USP12: variants seen among roughly 807,000 people sequenced by gnomAD.
The protein encoded by USP12 is ubiquitin specific peptidase 12.
Under a neutral mutation model 45.5 loss-of-function variants are expected in USP12, and 19 were observed. That is an observed-to-expected ratio of 0.42 (90% CI 0.29 to 0.61). USP12 has a LOEUF of 0.61. Ranked by LOEUF, USP12 falls within the 20% of genes least tolerant of loss-of-function variation. The pLI, the probability that USP12 is intolerant of heterozygous loss-of-function variation, is 0.22. For missense variants in USP12, 242 were observed against 447.7 expected (o/e 0.54, Z 4.15); for synonymous variants, 149 against 148.8 (o/e 1.00, Z -0.01).
In USP12 at chr13:27,086,196, A is replaced by AT. The variant is rs1294810212; in HGVS notation, c.734+3686_734+3687insA. Among the ~76,000 whole-genome samples the AT allele has an allele frequency of 1.4e-3, 129 of 95,362 alleles. 1 individual carries two copies. The highest frequency in any genetic ancestry group is 3.8e-3 in the African/African-American group (96 of 25,322). 62.6% of individuals were successfully genotyped at this position (95,362 alleles called of 152,430 possible). A position where few individuals can be genotyped will look rare whatever the true frequency, so the allele number is the denominator to read the frequency against. On this transcript the variant is annotated intron_variant, in intron 6 of 8. Transcript: ENST00000282344. ...CTTTAAAAAAAAAAAAAAAAAAAAA[A>AT]AATATATATATATATATATATATGC...
intron 1 of USP12, among the ~76,000 whole-genome samples, chr13:27,120,672 A>G (rs1275754623): frequency 6.6e-6 from 1 of 151,688 alleles, no homozygotes; most frequent in Non-Finnish European, 1.5e-5. Flanking sequence ...TATCAGAATT[A>G]ATTTATTTTT....
chr13:27,152,416 G>A (rs1274879750), intron 1 of USP12, among the ~76,000 whole-genome samples: 3 of 152,194 alleles, frequency 2.0e-5, no homozygotes, highest in Non-Finnish European at 4.4e-5. Context: ...AAAGTCCAAA[G>A]CAGATAATTA....
In USP12 at chr13:27,099,387, T is replaced by C. The variant is rs568981356; in HGVS notation, c.344-3557A>G. Among the ~76,000 whole-genome samples, 46 of 152,324 alleles carry C rather than the reference T, an allele frequency of 3.0e-4. 1 individual carries two copies. In the South Asian group the frequency reaches 8.9e-3, roughly 30 times the overall value. ...TTTTTAAGAGATGGGGGTCTCGCTA[T>C]GTTGTCCAGGCTGATCTTGAACTCC... is the stretch of plus-strand genomic sequence containing the variant. On this transcript the variant is annotated intron_variant, in intron 3 of 8. Coordinates refer to ENST00000282344, the MANE Select transcript of USP12 (RefSeq NM_182488.4).
chr13:27,073,547 C>T (rs1593169460), intron 7 of USP12, among the ~76,000 whole-genome samples: 1 of 152,004 alleles, frequency 6.6e-6, no homozygotes, highest in African/African-American at 2.4e-5. Context: ...GAGGGGACCC[C>T]TCCCCAATGA....
chr13:27,170,512 T>C (rs1422266857), intron 1 of USP12, among the ~76,000 whole-genome samples: 1 of 152,200 alleles, frequency 6.6e-6, no homozygotes, highest in Non-Finnish European at 1.5e-5. Flanking sequence ...GACTCATAAA[T>C]TATGATCCCT....
chr13:27,068,905 A>G lies in USP12; in HGVS notation c.*378T>C, dbSNP rs1170768132. 7.9e-6 allele frequency: 2 copies of G among 252,294 alleles called. No homozygotes were observed. Among genetic ancestry groups the G allele is most frequent in the Non-Finnish European group, 1.5e-5 (2 of 130,998 alleles). 15.6% of individuals were successfully genotyped at this position (252,294 alleles called of 1,614,324 possible). On this transcript the variant is annotated 3_prime_UTR_variant, in exon 9 of 9. Transcript: ENST00000282344. ...AAATTTATGCAGTGTGTTCAACATC[A>G]TCTCCTTATCAATACGGCACAGATT...
intron 1 of USP12, among the ~76,000 whole-genome samples, chr13:27,156,240 G>A (rs73159789): frequency 0.049 from 7,388 of 151,046 alleles, 219 homozygotes; most frequent in Non-Finnish European, 0.055. Context: ...AAAAAATCAA[G>A]GAATCTGGTT....
intron 6 of USP12, among the ~76,000 whole-genome samples, chr13:27,080,209 G>A (rs971545685): frequency 6.6e-6 from 1 of 152,212 alleles, no homozygotes; most frequent in African/African-American, 2.4e-5. Context: ...ACCCAACTCA[G>A]ATTCCAGAAG....
chr13:27,117,112 G>T (rs531339966), intron 1 of USP12, among the ~76,000 whole-genome samples: 1 of 152,262 alleles, frequency 6.6e-6, no homozygotes, highest in Admixed American at 6.5e-5. Context: ...AAGGAGAAAA[G>T]AAAGAATGAT....
At chr13:27,123,420 A>C (rs1341121091) in intron 1 of USP12, among the ~76,000 whole-genome samples, 1 of 152,232 alleles carries the variant, frequency 6.6e-6, no homozygotes, top group Non-Finnish European at 1.5e-5. Context: ...AAACATTAAC[A>C]AAGTCCTGAA....
At chr13:27,092,924 C>T (rs886917060) in intron 4 of USP12, among the ~76,000 whole-genome samples, 2 of 152,112 alleles carry the variant, frequency 1.3e-5, no homozygotes, top group African/African-American at 4.8e-5. Context: ...CAGCCAGGCC[C>T]GGTGGCTCAC....
At chr13:27,155,991 G>T (rs1877822088) in intron 1 of USP12, among the ~76,000 whole-genome samples, 1 of 152,040 alleles carries the variant, frequency 6.6e-6, no homozygotes, top group Non-Finnish European at 1.5e-5. Context: ...ACCTATAGAA[G>T]CAGTTAAAAC....
intron 1 of USP12, among the ~76,000 whole-genome samples, chr13:27,138,572 G>A (rs1005754661): frequency 1.2e-4 from 18 of 152,192 alleles, no homozygotes; most frequent in Non-Finnish European, 2.4e-4. Flanking sequence ...ACCTCCATGA[G>A]GCATTATCAA....
intron 1 of USP12, among the ~76,000 whole-genome samples, chr13:27,133,666 A>G (rs1876634089): frequency 1.3e-5 from 2 of 152,228 alleles, no homozygotes; most frequent in South Asian, 4.1e-4. Flanking sequence ...TAATGGGAGA[A>G]ATACCTGGAG....
chr13:27,167,923 A>G (rs1389427319), intron 1 of USP12, among the ~76,000 whole-genome samples: 1 of 152,184 alleles, frequency 6.6e-6, no homozygotes, highest in Non-Finnish European at 1.5e-5. Flanking sequence ...AGCAGTAAGA[A>G]AAGGCAAACA....
At chr13:27,120,861 A>T (rs1875951310) in intron 1 of USP12, among the ~76,000 whole-genome samples, 1 of 152,198 alleles carries the variant, frequency 6.6e-6, no homozygotes, top group Non-Finnish European at 1.5e-5. Context: ...TGAAATTTAA[A>T]AAATAATAAT....
chr13:27,098,270 T>G (rs978193698), intron 3 of USP12, among the ~76,000 whole-genome samples: 1 of 152,066 alleles, frequency 6.6e-6, no homozygotes, highest in Non-Finnish European at 1.5e-5. Flanking sequence ...AACTTCTGTA[T>G]GGCAAAGTCA....
chr13:27,155,333 G>A (rs1028929648), intron 1 of USP12, among the ~76,000 whole-genome samples: 16 of 151,892 alleles, frequency 1.1e-4, no homozygotes, highest in African/African-American at 1.4e-4. Context: ...TGCCCGCCTT[G>A]GCCTCCCAAG....
At chr13:27,171,492 CGCTAGG>C in intron 1 of USP12, 94 bp downstream of exon 1, 5 of 236,110 alleles carry the variant, frequency 2.1e-5, no homozygotes, top group Non-Finnish European at 3.4e-5. Context: ...CCCGCCCCGG[CGCTAGG>C]CCCCGCGAGC....
Sources: gnomAD v4.1 joint callset for allele counts (sites outside exome capture counted in the v4.1 genomes callset) on GRCh38, gnomAD v4.1.1 for gene constraint, MANE v1.5 for transcripts, NCBI Gene and HGNC (gene_info 2026-07-23, HGNC 2026-07-21) for gene names.